ARHGEF12: variants seen among roughly 807,000 people sequenced by gnomAD.
ARHGEF12 encodes Rho guanine nucleotide exchange factor 12, also known as KMT2A/ARHGEF12 fusion protein.
ARHGEF12 carries 66 observed loss-of-function variants against 211.2 expected under a neutral mutation model. That is an observed-to-expected ratio of 0.31 (90% CI 0.26 to 0.38). ARHGEF12 has a LOEUF of 0.38. Among genes scored for constraint, ARHGEF12 ranks in the 10% least tolerant of loss-of-function variants. The pLI is 1.00. For missense variants in ARHGEF12, 1,429 were observed against 1,869.5 expected (o/e 0.76, Z 4.34); for synonymous variants, 592 against 638.4 (o/e 0.93, Z 1.09).
intron 4 of ARHGEF12, chr11:120,411,370 A>G (rs1026442442): frequency 6.6e-6 from 1 of 152,106 alleles, no homozygotes; most frequent in African/African-American, 2.4e-5. Flanking sequence ...GTTAGCATAG[A>G]TGAAAAAGTC....
chr11:120,405,510 C>T (rs1300437504), intron 1 of ARHGEF12, among the ~76,000 whole-genome samples: 7 of 151,928 alleles, frequency 4.6e-5, no homozygotes, highest in Admixed American at 1.3e-4. Context: ...TTTTTGTAAC[C>T]GATAATTACT....
In ARHGEF12 at chr11:120,478,162, A is replaced by G; in HGVS notation, c.3539A>G (p.Asp1180Gly). 6.2e-7 allele frequency: 1 copy of G among 1,610,250 alleles called. No individual in the cohort carries two copies. Among genetic ancestry groups the G allele is most frequent in the Non-Finnish European group, 8.5e-7 (1 of 1,177,414 alleles). Residue 1180 changes from aspartate (D) to glycine (G), a missense_variant, in exon 37 of 41, where the codon GAT (aspartate) becomes GGT (glycine). Transcript: ENST00000397843. The stretch of plus-strand genomic sequence containing the variant: ...TTTCTATTCCATTGGACAGACAGAG[A>G]TTTGGGATTAGAATCTACCTTAATA... ...SVTGLQSPDRDLGLESTLISS... is the reference protein window; with the variant it reads ...SVTGLQSPDRGLGLESTLISS...
At chr11:120,357,628 G>A (rs1943165585) in intron 1 of ARHGEF12, among the ~76,000 whole-genome samples, 1 of 152,140 alleles carries the variant, frequency 6.6e-6, no homozygotes, top group South Asian at 2.1e-4. Context: ...GGATTGCAGT[G>A]GCATGATCTT....
At chr11:120,380,096 C>T (rs1009440908) in intron 1 of ARHGEF12, among the ~76,000 whole-genome samples, 1 of 152,148 alleles carries the variant, frequency 6.6e-6, no homozygotes, top group African/African-American at 2.4e-5. Context: ...ATGTTTTCAA[C>T]CAGCAATTAA....
chr11:120,344,966 C>A (rs1444645679), intron 1 of ARHGEF12, among the ~76,000 whole-genome samples: 1 of 151,878 alleles, frequency 6.6e-6, no homozygotes. Context: ...TTTTTCCTTT[C>A]TTTCAATGCT....
At chr11:120,403,399 C>T (rs573717751) in intron 1 of ARHGEF12, among the ~76,000 whole-genome samples, 109 of 151,818 alleles carry the variant, frequency 7.2e-4, no homozygotes, top group African/African-American at 2.5e-3. Context: ...CCCAGCTACT[C>T]GGGAGGCTGA....
At chr11:120,343,789 T>G (rs1942609155) in intron 1 of ARHGEF12, among the ~76,000 whole-genome samples, 1 of 152,244 alleles carries the variant, frequency 6.6e-6, no homozygotes, top group Admixed American at 6.5e-5. Context: ...AATTAGCTGC[T>G]TGTCACACTG....
chr11:120,425,365 T>C (rs1164493975), intron 7 of ARHGEF12, among the ~76,000 whole-genome samples: 1 of 151,706 alleles, frequency 6.6e-6, no homozygotes, highest in African/African-American at 2.4e-5. Flanking sequence ...TGTTTGTTTG[T>C]TTTTAGGGTA....
chr11:120,441,864 C>A (rs748161881), intron 14 of ARHGEF12, 47 bp downstream of exon 14: 2 of 1,542,888 alleles, frequency 1.3e-6, no homozygotes, highest in East Asian at 2.2e-5. Flanking sequence ...TCTGTTGATT[C>A]ATGTGCCATA....
At chr11:120,404,476 A>G (rs980049986) in intron 1 of ARHGEF12, among the ~76,000 whole-genome samples, 12 of 152,244 alleles carry the variant, frequency 7.9e-5, no homozygotes, top group African/African-American at 2.9e-4. Context: ...TTCTTAATCT[A>G]TACTTGAAGT....
intron 11 of ARHGEF12, among the ~76,000 whole-genome samples, chr11:120,432,454 G>T (rs1359648457): frequency 6.6e-6 from 1 of 152,172 alleles, no homozygotes. Context: ...TGAATATGAT[G>T]TAACACCATA....
rs763312257 is a variant in ARHGEF12, at chr11:120,457,175, G to A, written c.2114G>A (p.Arg705His). The A allele has an allele frequency of 1.9e-6, 3 of 1,614,026 alleles. No homozygotes were observed. Among genetic ancestry groups the A allele is most frequent in the South Asian group, 1.1e-5 (1 of 91,074 alleles). ...APGDTLDGTP[R>H]TLNTVFDFPP... ...GGAGACACCTTAGATGGCACACCTC[G>A]TACTCTCAATACTGTCTTTGATTTC... is the stretch of plus-strand genomic sequence containing the variant. Residue 705 changes from arginine (R) to histidine (H), a missense_variant, in exon 23 of 41, where the codon CGT becomes CAT. By Grantham distance (29) the Arg-to-His change is conservative. Transcript: ENST00000397843.
chr11:120,360,756 T>C (rs1422800884), intron 1 of ARHGEF12, among the ~76,000 whole-genome samples: 1 of 152,076 alleles, frequency 6.6e-6, no homozygotes, highest in African/African-American at 2.4e-5. Context: ...TTGTTATAAA[T>C]AGAAAACCAG....
At chr11:120,476,860 C>A in intron 34 of ARHGEF12, 112 bp downstream of exon 34, 1 of 789,790 alleles carries the variant, frequency 1.3e-6, no homozygotes, top group Non-Finnish European at 2.0e-6. Flanking sequence ...AGCACTTCCT[C>A]TGTACTCTTT....
intron 21 of ARHGEF12, chr11:120,450,507 T>TC (rs1946178642): frequency 6.6e-6 from 1 of 151,866 alleles, no homozygotes; most frequent in African/African-American, 2.4e-5. Flanking sequence ...ATTGAGAAGG[T>TC]GTGAAATTTT....
At chr11:120,398,112 C>A (rs528305709) in intron 1 of ARHGEF12, among the ~76,000 whole-genome samples, 1 of 152,288 alleles carries the variant, frequency 6.6e-6, no homozygotes, top group South Asian at 2.1e-4. Context: ...ACGGCAGTCT[C>A]ATTACTCAAT....
intron 5 of ARHGEF12, among the ~76,000 whole-genome samples, 164 bp from the exon 6 acceptor site, chr11:120,421,639 T>C (rs990329103): frequency 7.9e-5 from 12 of 151,982 alleles, no homozygotes; most frequent in Non-Finnish European, 2.9e-5. Context: ...GGTTTTACCA[T>C]GTTGGCCAGG....
At chr11:120,371,054 T>C (rs1349334416) in intron 1 of ARHGEF12, among the ~76,000 whole-genome samples, 1 of 152,234 alleles carries the variant, frequency 6.6e-6, no homozygotes, top group Non-Finnish European at 1.5e-5. Context: ...ATATTTACTT[T>C]TATACTGTCT....
chr11:120,474,769 A>T (rs1447182375), intron 32 of ARHGEF12, 134 bp downstream of exon 32: 4 of 613,776 alleles, frequency 6.5e-6, no homozygotes, highest in Non-Finnish European at 1.1e-5. Flanking sequence ...TTATTTGTAC[A>T]TTTGTAGATC....
Sources: allele counts gnomAD v4.1 joint callset (sites outside exome capture counted in the v4.1 genomes callset), GRCh38; gene constraint gnomAD v4.1.1; transcripts MANE v1.5; gene names NCBI Gene and HGNC (gene_info 2026-07-23, HGNC 2026-07-21).